The following HIPK3 variants were observed in gnomAD, a reference collection of about 807,000 sequenced individuals.
HIPK3 encodes the protein homeodomain interacting protein kinase 3.
In HIPK3, 47 loss-of-function variants were observed where a neutral mutation model predicts 124.2. The observed-to-expected ratio is 0.38, with a 90% CI of 0.30 to 0.48. HIPK3 has a LOEUF of 0.48. HIPK3 is among the 20% of genes least tolerant of loss of function. The pLI, the probability that HIPK3 is intolerant of heterozygous loss-of-function variation, is 0.98. For missense variants in HIPK3, 1,286 were observed against 1,454.3 expected (o/e 0.88, Z 1.88); for synonymous variants, 482 against 515.2 (o/e 0.94, Z 0.87).
intron 1 of HIPK3, among the ~76,000 whole-genome samples, chr11:33,283,922 G>A (rs1297374933): frequency 6.6e-6 from 1 of 151,766 alleles, no homozygotes; most frequent in East Asian, 1.9e-4. Context: ...TGATCTGCCC[G>A]CCTCGGCCTC....
intron 1 of HIPK3, among the ~76,000 whole-genome samples, chr11:33,265,772 CAAAAAAAAAAAAA>C (rs55837408): frequency 1.5e-5 from 1 of 64,774 alleles, no homozygotes; most frequent in Non-Finnish European, 2.8e-5. Flanking sequence ...GACCTTGTCT[CAAAAAAAAAAAAA>C]AAAAAAAAAA....
chr11:33,338,066 C>T (rs1041539807), intron 4 of HIPK3, among the ~76,000 whole-genome samples: 1 of 152,140 alleles, frequency 6.6e-6, no homozygotes, highest in Non-Finnish European at 1.5e-5. Flanking sequence ...ATTAAAAAAA[C>T]TTTTATGTGT....
chr11:33,331,400 G>T (rs1168499189), intron 3 of HIPK3, among the ~76,000 whole-genome samples: 1 of 152,072 alleles, frequency 6.6e-6, no homozygotes, highest in Non-Finnish European at 1.5e-5. Flanking sequence ...TTTAGACAGG[G>T]TCTCAGTCTG....
At chr11:33,328,728 A>T in intron 3 of HIPK3, 95 bp downstream of exon 3, 1 of 1,096,414 alleles carries the variant, frequency 9.1e-7, no homozygotes, top group Non-Finnish European at 1.3e-6. Context: ...AATACACTGG[A>T]AAGTCTTTTT....
chr11:33,303,712 A>G (rs551331547), intron 2 of HIPK3, among the ~76,000 whole-genome samples: 1 of 152,234 alleles, frequency 6.6e-6, no homozygotes, highest in Non-Finnish European at 1.5e-5. Context: ...TGTTATTAAC[A>G]GCATGTGTGC....
intron 2 of HIPK3, among the ~76,000 whole-genome samples, chr11:33,296,356 G>T (rs1590370268): frequency 6.6e-6 from 1 of 152,242 alleles, no homozygotes; most frequent in East Asian, 1.9e-4. Context: ...TTGGAGAATG[G>T]CTTTTGGAAA....
chr11:33,346,142 A>C (rs551663288), intron 8 of HIPK3, among the ~76,000 whole-genome samples: 2 of 152,312 alleles, frequency 1.3e-5, no homozygotes, highest in South Asian at 4.1e-4. Flanking sequence ...TTTAAGCTGG[A>C]ATGTGATACT....
chr11:33,341,629 T>G lies in HIPK3; in HGVS notation c.1840T>G (p.Phe614Val). ...ACCTCTGCAGGCAGGAACTGCTCAGTTTGGTTGTGGTGATGCTTTTCAGCA... is the reference window on the plus strand; with the variant it reads ...ACCTCTGCAGGCAGGAACTGCTCAGGTTGGTTGTGGTGATGCTTTTCAGCA... ...GIPLQAGTAQ[F>V]GCGDAFQQTL... Residue 614 changes from phenylalanine (F) to valine (V), a missense_variant, in exon 8 of 17, where the codon TTT becomes GTT. Coordinates refer to ENST00000303296, the MANE Select transcript of HIPK3 (RefSeq NM_005734.5). 6.2e-7 allele frequency: 1 copy of G among 1,613,628 alleles called. No individual in the cohort carries two copies. The highest frequency in any genetic ancestry group is 8.5e-7 in the Non-Finnish European group (1 of 1,179,662).
intron 1 of HIPK3, among the ~76,000 whole-genome samples, chr11:33,267,597 G>A (rs1008278207): frequency 8.6e-5 from 13 of 151,756 alleles, no homozygotes; most frequent in Admixed American, 6.6e-4. Flanking sequence ...CCAGGTTCAC[G>A]CCCTTCTCCC....
intron 16 of HIPK3, among the ~76,000 whole-genome samples, chr11:33,352,727 A>T (rs1853702008): frequency 6.6e-6 from 1 of 152,182 alleles, no homozygotes; most frequent in Non-Finnish European, 1.5e-5. Flanking sequence ...TGGGAATCGT[A>T]ATTATATCAT....
In HIPK3 at chr11:33,286,740, T is replaced by C. The variant is rs766659837; in HGVS notation, c.326T>C (p.Ile109Thr). The change falls in exon 2 of 17, where the codon ATT becomes ACT. Residue 109 changes from isoleucine to threonine, a missense_variant. By Grantham distance (89) the Ile-to-Thr change is moderately conservative. Transcript: ENST00000303296. ...AQQAHVQAPQ[I>T]GAWRNRLHFL... ...CAAGCTCACGTGCAGGCACCTCAGA[T>C]TGGGGCGTGGCGAAACAGATTGCAT... The C allele has an allele frequency of 8.7e-6, 14 of 1,613,966 alleles. No homozygotes were observed. In the African/African-American group the frequency reaches 9.3e-5, roughly 11 times the overall value.
At chr11:33,312,558 G>A (rs985597779) in intron 2 of HIPK3, among the ~76,000 whole-genome samples, 1 of 152,152 alleles carries the variant, frequency 6.6e-6, no homozygotes, top group Non-Finnish European at 1.5e-5. Context: ...AAAAGACTCT[G>A]CCAGGGATTG....
chr11:33,355,201 T>G lies in HIPK3; in HGVS notation c.*1633T>G, dbSNP rs1372397440. 1 of 152,104 alleles carries G rather than the reference T, an allele frequency of 6.6e-6. No homozygotes were observed. The highest frequency in any genetic ancestry group is 2.1e-4 in the South Asian group (1 of 4,836). The allele number at this position is 152,104 out of a possible 1,614,324, so 9.4% of individuals were successfully genotyped here. ...TAATTACATGAATAGAAATTGGGGT[T>G]TTGATTTTTTACTTTGCTTTTCTGT... On this transcript the variant is annotated 3_prime_UTR_variant, in exon 17 of 17. Transcript: ENST00000303296.
intron 16 of HIPK3, 62 bp downstream of exon 16, chr11:33,352,327 G>T: frequency 6.4e-7 from 1 of 1,556,466 alleles, no homozygotes; most frequent in Non-Finnish European, 8.8e-7. Flanking sequence ...TGTTTTTCAC[G>T]TGGAGGAGAA....
chr11:33,285,860 C>T (rs988425767), intron 1 of HIPK3, among the ~76,000 whole-genome samples: 1 of 152,026 alleles, frequency 6.6e-6, no homozygotes, highest in African/African-American at 2.4e-5. Flanking sequence ...CAACCTCCAC[C>T]TCCCAGGTTC....
intron 1 of HIPK3, among the ~76,000 whole-genome samples, chr11:33,264,393 G>A (rs1036157649): frequency 2.0e-5 from 3 of 152,084 alleles, no homozygotes; most frequent in African/African-American, 7.2e-5. Context: ...TCCAAGTACT[G>A]ATGAGGTCTG....
At chr11:33,281,542 A>G (rs891416909) in intron 1 of HIPK3, among the ~76,000 whole-genome samples, 1 of 152,218 alleles carries the variant, frequency 6.6e-6, no homozygotes, top group South Asian at 2.1e-4. Context: ...TGTATGTAGT[A>G]AAAAAGGATG....
At chr11:33,256,951 C>T (rs1015374959), upstream of HIPK3, among the ~76,000 whole-genome samples, 3 of 152,200 alleles carry the variant, frequency 2.0e-5, no homozygotes, top group African/African-American at 7.2e-5. Flanking sequence ...CTTTAACGAC[C>T]AAATGCCGAG....
At position 33,347,734 on chromosome 11, in the gene HIPK3, C is replaced by T; in HGVS notation, c.2125C>T (p.His709Tyr). Reference protein sequence around the residue: ...TLTSESVAGSHRLGDWGKMIS... With the variant: ...TLTSESVAGSYRLGDWGKMIS... ...AACTTCTGAGAGTGTGGCTGGTTCA[C>T]ACAGGCTTGGAGACTGGGGGTAAGC... Residue 709 changes from histidine (H) to tyrosine (Y), a missense_variant, in exon 10 of 17, where the codon CAC (histidine) becomes TAC (tyrosine). By Grantham distance (83) the His-to-Tyr change is moderately conservative. Around this residue, in one of 3 missense-constraint regions of HIPK3, gnomAD observed 810 missense variants for 864.9 expected, o/e 0.94. Transcript: ENST00000303296. The T allele has an allele frequency of 6.2e-7, 1 of 1,614,140 alleles. No individual in the cohort carries two copies. Among genetic ancestry groups the T allele is most frequent in the Non-Finnish European group, 8.5e-7 (1 of 1,179,994 alleles).
Sources: allele counts gnomAD v4.1 joint callset (sites outside exome capture counted in the v4.1 genomes callset), GRCh38; gene constraint gnomAD v4.1.1; regional missense constraint gnomAD v4.1.1; transcripts MANE v1.5; gene names NCBI Gene and HGNC (gene_info 2026-07-23, HGNC 2026-07-21).